FSTL5: variants seen among roughly 807,000 people sequenced by gnomAD.
FSTL5 encodes follistatin-related protein 5.
In FSTL5, 62 loss-of-function variants were observed where a neutral mutation model predicts 89.1. That is an observed-to-expected ratio of 0.70 (90% CI 0.57 to 0.86). FSTL5 has a LOEUF of 0.86. FSTL5 is among the 40% of genes least tolerant of loss of function. The pLI, the probability that FSTL5 is intolerant of heterozygous loss-of-function variation, is 0.00. For synonymous variants in FSTL5, 383 were observed against 346.2 expected (o/e 1.11, Z -1.18); for missense variants, 1,057 against 1,001.6 (o/e 1.06, Z -0.75).
chr4:161,690,520 T>C (rs1177791025), intron 6 of FSTL5, among the ~76,000 whole-genome samples: 3 of 152,104 alleles, frequency 2.0e-5, no homozygotes, highest in Admixed American at 2.0e-4. Flanking sequence ...TGGTTGTCTT[T>C]CTGTTGTTGA....
intron 11 of FSTL5, among the ~76,000 whole-genome samples, chr4:161,503,888 G>C (rs1730387171): frequency 6.6e-6 from 1 of 151,936 alleles, no homozygotes; most frequent in Non-Finnish European, 1.5e-5. Flanking sequence ...TTTGGGCCAA[G>C]CCCAAACTGT....
intron 3 of FSTL5, among the ~76,000 whole-genome samples, chr4:161,978,514 A>G (rs1032833570): frequency 6.6e-6 from 1 of 152,116 alleles, no homozygotes; most frequent in Non-Finnish European, 1.5e-5. Flanking sequence ...TTTAAATTTA[A>G]CATTTTATCA....
At chr4:161,731,854 C>A (rs1442410626) in intron 6 of FSTL5, among the ~76,000 whole-genome samples, 1 of 151,826 alleles carries the variant, frequency 6.6e-6, no homozygotes, top group African/African-American at 2.4e-5. Flanking sequence ...TGCCAAGTGG[C>A]ATTTTGTTGT....
At chr4:162,161,385 G>C (rs1220899144) in intron 1 of FSTL5, among the ~76,000 whole-genome samples, 1 of 151,746 alleles carries the variant, frequency 6.6e-6, no homozygotes, top group African/African-American at 2.4e-5. Flanking sequence ...TGCTAAATTT[G>C]GGCTTATGAT....
At chr4:161,502,325 C>T (rs540754993) in intron 11 of FSTL5, among the ~76,000 whole-genome samples, 1 of 152,026 alleles carries the variant, frequency 6.6e-6, no homozygotes, top group South Asian at 2.1e-4. Context: ...CCAAATTACT[C>T]TTTCAGGTTC....
chr4:161,868,913 T>C (rs1356901443), intron 4 of FSTL5, among the ~76,000 whole-genome samples: 1 of 152,160 alleles, frequency 6.6e-6, no homozygotes, highest in Non-Finnish European at 1.5e-5. Context: ...AATGCAGCAA[T>C]ATTGTTACTG....
chr4:161,580,511 T>TA (rs1339239482), intron 8 of FSTL5, among the ~76,000 whole-genome samples: 4 of 151,958 alleles, frequency 2.6e-5, no homozygotes, highest in African/African-American at 9.7e-5. Flanking sequence ...AAAACTACAA[T>TA]AAAAGTTCAA....
intron 15 of FSTL5, among the ~76,000 whole-genome samples, chr4:161,426,936 A>G (rs1301768502): frequency 6.6e-6 from 1 of 152,222 alleles, no homozygotes; most frequent in East Asian, 1.9e-4. Flanking sequence ...CATCAATACT[A>G]TGACAACAGA....
intron 4 of FSTL5, among the ~76,000 whole-genome samples, chr4:161,822,763 C>G (rs1023747108): frequency 1.3e-5 from 2 of 152,166 alleles, no homozygotes; most frequent in Non-Finnish European, 2.9e-5. Flanking sequence ...TTCAGCATGT[C>G]CTGAGTTCTT....
At chr4:161,618,684 A>G (rs1247872089) in intron 7 of FSTL5, among the ~76,000 whole-genome samples, 2 of 152,142 alleles carry the variant, frequency 1.3e-5, no homozygotes, top group African/African-American at 4.8e-5. Context: ...CCACTTGATC[A>G]TGGTGGATAA....
At chr4:161,673,796 A>G (rs1339733423) in intron 6 of FSTL5, among the ~76,000 whole-genome samples, 1 of 151,810 alleles carries the variant, frequency 6.6e-6, no homozygotes, top group African/African-American at 2.4e-5. Flanking sequence ...TTTTAAGGAT[A>G]TATTTTTATA....
chr4:161,850,775 C>A (rs1028872672), intron 4 of FSTL5, among the ~76,000 whole-genome samples: 7 of 152,176 alleles, frequency 4.6e-5, no homozygotes, highest in African/African-American at 1.4e-4. Context: ...ACCCAAATGC[C>A]CATCAATGAT....
At chr4:161,705,360 T>A (rs550747268) in intron 6 of FSTL5, among the ~76,000 whole-genome samples, 7 of 152,160 alleles carry the variant, frequency 4.6e-5, no homozygotes, top group Admixed American at 3.9e-4. Flanking sequence ...ATATTTTTCC[T>A]AAAAGAAAAG....
At chr4:161,785,235 A>C (rs752137700) in intron 4 of FSTL5, among the ~76,000 whole-genome samples, 5 of 152,190 alleles carry the variant, frequency 3.3e-5, no homozygotes, top group Non-Finnish European at 5.9e-5. Context: ...AGGTGCATCC[A>C]TTTGTCTTGG....
intron 6 of FSTL5, among the ~76,000 whole-genome samples, chr4:161,712,125 G>A (rs551414056): frequency 6.6e-6 from 1 of 152,234 alleles, no homozygotes; most frequent in South Asian, 2.1e-4. Flanking sequence ...TGAGTTGGAT[G>A]GGGAGTGACT....
intron 12 of FSTL5, among the ~76,000 whole-genome samples, chr4:161,487,348 A>C (rs1729714223): frequency 6.6e-6 from 1 of 152,176 alleles, no homozygotes; most frequent in African/African-American, 2.4e-5. Context: ...ATTCTAGAGT[A>C]GTACTAATCA....
intron 8 of FSTL5, among the ~76,000 whole-genome samples, chr4:161,547,824 T>A (rs1156617725): frequency 6.6e-6 from 1 of 151,892 alleles, no homozygotes; most frequent in African/African-American, 2.4e-5. Context: ...ATTCTTTAGA[T>A]GAATTGTGAT....
At chr4:161,741,842 C>T (rs1286609870) in intron 6 of FSTL5, among the ~76,000 whole-genome samples, 1 of 151,960 alleles carries the variant, frequency 6.6e-6, no homozygotes, top group African/African-American at 2.4e-5. Context: ...CACACACTGC[C>T]ACGCCAGGCT....
intron 2 of FSTL5, among the ~76,000 whole-genome samples, chr4:162,091,023 T>C (rs1350134167): frequency 2.0e-5 from 3 of 152,212 alleles, no homozygotes; most frequent in African/African-American, 7.2e-5. Context: ...TTCTTCTATA[T>C]GTTAAATACA....
Sources: gnomAD v4.1 joint callset for allele counts (sites outside exome capture counted in the v4.1 genomes callset) on GRCh38, gnomAD v4.1.1 for gene constraint, MANE v1.5 for transcripts, NCBI Gene and HGNC (gene_info 2026-07-23, HGNC 2026-07-21) for gene names.